Variants in HTRA4 observed in about 807,000 individuals in gnomAD.
HTRA4 encodes HtrA serine peptidase 4.
Under a neutral mutation model 49.1 loss-of-function variants are expected in HTRA4, and 46 were observed. That is an observed-to-expected ratio of 0.94 (90% CI 0.74 to 1.20). The LOEUF (loss-of-function observed/expected upper bound fraction) is 1.20, where lower values mean the gene tolerates loss of function less well. Among genes scored for constraint, HTRA4 ranks in the 50% most tolerant of loss-of-function variants. The probability of loss-of-function intolerance (pLI) is 0.00; values close to 1 mark genes in which losing one functional copy is unlikely to be tolerated. For synonymous variants in HTRA4, 261 were observed against 264.0 expected (o/e 0.99, Z 0.11); for missense variants, 602 against 636.9 (o/e 0.95, Z 0.59).
At position 38,974,590 on chromosome 8, in the gene HTRA4, G is replaced by A; in HGVS notation, c.327G>A (p.Pro109=). ...RPGFPSTCGC[P]TLGGAVCGSD... is the part of the protein sequence containing the mutation. Reference sequence around the variant, plus strand: ...GGTTCCCCAGCACCTGCGGTTGCCCGACGCTGGGAGGGGCCGTGTGCGGCA... The same window carrying A: ...GGTTCCCCAGCACCTGCGGTTGCCCAACGCTGGGAGGGGCCGTGTGCGGCA... Residue 109 remains proline (P), a synonymous_variant, in exon 1 of 9, where the codon CCG becomes CCA. Transcript: ENST00000302495. 7.0e-7 allele frequency: 1 copy of A among 1,424,534 alleles called. No individual in the cohort carries two copies. Among genetic ancestry groups the A allele is most frequent in the Non-Finnish European group, 9.1e-7 (1 of 1,094,966 alleles). The allele number at this position is 1,424,534 out of a possible 1,614,324, so 88.2% of individuals were successfully genotyped here. A position where few individuals can be genotyped will look rare whatever the true frequency, so the allele number is the denominator to read the frequency against.
At position 38,974,445 on chromosome 8, in the gene HTRA4, C is replaced by A; in HGVS notation, c.182C>A (p.Pro61Gln). 1.3e-6 allele frequency: 2 copies of A among 1,542,734 alleles called. No homozygotes were observed. Among genetic ancestry groups the A allele is most frequent in the East Asian group, 2.4e-5 (1 of 41,154 alleles). ...ALPTCALGTT[P>Q]VFDLCRCCRV... The stretch of plus-strand genomic sequence containing the variant: ...CCCACCTGCGCGCTGGGGACCACGC[C>A]GGTGTTCGACCTGTGCCGCTGTTGC... The change falls in exon 1 of 9, where the codon CCG (proline) becomes CAG (glutamine). Residue 61 changes from proline to glutamine, a missense_variant. Pro to Gln is a moderately conservative substitution (Grantham distance 76). Coordinates refer to ENST00000302495, the MANE Select transcript of HTRA4 (RefSeq NM_153692.4).
intron 8 of HTRA4, among the ~76,000 whole-genome samples, chr8:38,986,017 A>T (rs1333659064): frequency 1.3e-5 from 2 of 152,160 alleles, no homozygotes; most frequent in Non-Finnish European, 2.9e-5. Context: ...TAAATAAAAT[A>T]AACAAAATCA....
At position 38,976,529 on chromosome 8, in the gene HTRA4, A is replaced by T; in HGVS notation, c.567-6A>T. ...CTCTGTTTACACTATTGTCTTGTGG[A>T]GACAGGTTACTTCACGGCAGCAGGC... is the stretch of plus-strand genomic sequence containing the variant. On this transcript the variant is annotated splice_region_variant and splice_polypyrimidine_tract_variant and intron_variant, in intron 2 of 8. Coordinates refer to ENST00000302495, the MANE Select transcript of HTRA4 (RefSeq NM_153692.4). The T allele has an allele frequency of 6.2e-7, 1 of 1,613,422 alleles. No homozygotes were observed. Among genetic ancestry groups the T allele is most frequent in the African/African-American group, 1.3e-5 (1 of 75,006 alleles).
rs778303266 is a variant in HTRA4, at chr8:38,976,718, G to A, written c.750G>A (p.Ala250=). The change falls in exon 3 of 9, where the codon GCG becomes GCA. Residue 250 remains alanine, a synonymous_variant. Transcript: ENST00000302495. ...VKDIDLKLDL[A]VIKIESNAEL... ...ATATTGACCTTAAATTGGATCTTGC[G>A]GTGATTAAGATTGAATCAAATGTGA... The A allele has an allele frequency of 1.2e-5, 20 of 1,614,008 alleles. No homozygotes were observed. Among genetic ancestry groups the A allele is most frequent in the East Asian group, 2.2e-5 (1 of 44,888 alleles).
In HTRA4 at chr8:38,983,017, T is replaced by C. The variant is rs1193956276; in HGVS notation, c.1237T>C (p.Cys413Arg). ...FPDVSSGVYV[C>R]KVVEGTAAQS... ...TGATGTGAGTTCTGGGGTTTATGTATGTAAAGTGGTTGAAGGAACAGCTGC... is the reference window on the plus strand; with the variant it reads ...TGATGTGAGTTCTGGGGTTTATGTACGTAAAGTGGTTGAAGGAACAGCTGC... The change falls in exon 8 of 9, where the codon TGT becomes CGT. Residue 413 changes from cysteine to arginine, a missense_variant. By Grantham distance (180) the Cys-to-Arg change is radical. Transcript: ENST00000302495. The C allele has an allele frequency of 1.2e-6, 2 of 1,613,840 alleles. No individual in the cohort carries two copies. Among genetic ancestry groups the C allele is most frequent in the East Asian group, 2.2e-5 (1 of 44,886 alleles).
intron 6 of HTRA4, among the ~76,000 whole-genome samples, 183 bp downstream of exon 6, chr8:38,981,950 C>T (rs914628104): frequency 6.6e-6 from 1 of 152,016 alleles, no homozygotes; most frequent in Non-Finnish European, 1.5e-5. Context: ...TGGGTTCAAG[C>T]GATTCTCCTG....
chr8:38,977,365 G>A (rs960665054), intron 3 of HTRA4, among the ~76,000 whole-genome samples: 5 of 150,216 alleles, frequency 3.3e-5, no homozygotes, highest in African/African-American at 1.2e-4. Flanking sequence ...TGGACTCAAA[G>A]TTGCTAAGGA....
intron 3 of HTRA4, 88 bp from the exon 4 acceptor site, chr8:38,977,865 A>G: frequency 7.5e-7 from 1 of 1,332,198 alleles, no homozygotes; most frequent in Non-Finnish European, 1.1e-6. Context: ...AGCGTCATAT[A>G]TGTGTTAGAC....
Position 38,982,572 on chromosome 8 carries a change from A to C in HTRA4, c.1172+17A>C. 6.2e-7 allele frequency: 1 copy of C among 1,613,676 alleles called. No individual in the cohort carries two copies. Among genetic ancestry groups the C allele is most frequent in the Non-Finnish European group, 8.5e-7 (1 of 1,179,582 alleles). ...CACTGTGCCGTAAGCATGTGTTTGA[A>C]TATGTCTGGGTTGTTTTTCAGAGGC... On this transcript the variant is annotated intron_variant, in intron 7 of 8. Coordinates refer to ENST00000302495, the MANE Select transcript of HTRA4 (RefSeq NM_153692.4).
chr8:38,984,732 A>G (rs1835464574), intron 8 of HTRA4, among the ~76,000 whole-genome samples: 1 of 151,990 alleles, frequency 6.6e-6, no homozygotes, highest in Non-Finnish European at 1.5e-5. Context: ...CTGGGCAAGA[A>G]AGCGAGACCC....
At chr8:38,981,060 TAAG>T (rs1835412219) in intron 5 of HTRA4, among the ~76,000 whole-genome samples, 2 of 142,610 alleles carry the variant, frequency 1.4e-5, no homozygotes, top group Admixed American at 7.3e-5. Context: ...AAAATGAGCT[TAAG>T]TTTTTTTTTT....
At position 38,974,504 on chromosome 8, in the gene HTRA4, G is replaced by C. The variant is rs544187015; in HGVS notation, c.241G>C (p.Gly81Arg). 23 of 1,492,362 alleles carry C rather than the reference G, an allele frequency of 1.5e-5. No individual in the cohort carries two copies. In the African/African-American group the frequency reaches 2.9e-4, roughly 19 times the overall value. The allele number at this position is 1,492,362 out of a possible 1,614,324, so 92.4% of individuals were successfully genotyped here. A position where few individuals can be genotyped will look rare whatever the true frequency, so the allele number is the denominator to read the frequency against. The part of the protein sequence containing the change: ...VCPAAEREVC[G>R]GAQGQPCAPG... ...CCCCGCGGCCGAGCGTGAAGTCTGCGGCGGGGCGCAGGGCCAACCGTGCGC... is the reference window on the plus strand; with the variant it reads ...CCCCGCGGCCGAGCGTGAAGTCTGCCGCGGGGCGCAGGGCCAACCGTGCGC... Residue 81 changes from glycine (G) to arginine (R), a missense_variant, in exon 1 of 9, where the codon GGC (glycine) becomes CGC (arginine). Physicochemically the swap from Gly to Arg is moderately radical, Grantham distance 125 (BLOSUM62 -2). Transcript: ENST00000302495.
At chr8:38,981,114 A>T (rs567226741) in intron 5 of HTRA4, among the ~76,000 whole-genome samples, 1 of 106,332 alleles carries the variant, frequency 9.4e-6, no homozygotes, top group Non-Finnish European at 1.7e-5. Context: ...GAGTCTCGCT[A>T]GGTCGCCCAG....
At position 38,978,025 on chromosome 8, in the gene HTRA4, A is replaced by G; in HGVS notation, c.844A>G (p.Ser282Gly). 6.2e-7 allele frequency: 1 copy of G among 1,614,178 alleles called. No individual in the cohort carries two copies. Among genetic ancestry groups the G allele is most frequent in the Non-Finnish European group, 8.5e-7 (1 of 1,180,020 alleles). Residue 282 changes from serine to glycine, a missense_variant, in exon 4 of 9, where the codon AGC (serine) becomes GGC (glycine). Transcript: ENST00000302495. ...TGGAGAGTTTGTGGTGGCTTTGGGC[A>G]GCCCATTTTCTCTGCAGAACACAGC... ...RAGEFVVALG[S>G]PFSLQNTATA... is the part of the protein sequence containing the mutation.
At chr8:38,987,137 ACATTATCATT>A (rs1234891033) in intron 8 of HTRA4, among the ~76,000 whole-genome samples, 7 of 152,196 alleles carry the variant, frequency 4.6e-5, no homozygotes, top group African/African-American at 1.7e-4. Context: ...TGATCAAACC[ACATTATCATT>A]CTTCCTTGAG....
Position 38,988,269 on chromosome 8 carries a change from A to C in HTRA4, c.*171A>C. 3 of 577,952 alleles carry C rather than the reference A, an allele frequency of 5.2e-6. No individual in the cohort carries two copies. The highest frequency in any genetic ancestry group is 3.0e-6 in the Non-Finnish European group (1 of 335,716). 35.8% of individuals were successfully genotyped at this position (577,952 alleles called of 1,614,324 possible). ...ATCAATGACAGACTGGATAAAGCAAATGTGGTACATATACACCATGGAATA... is the reference window on the plus strand; with the variant it reads ...ATCAATGACAGACTGGATAAAGCAACTGTGGTACATATACACCATGGAATA... On this transcript the variant is annotated 3_prime_UTR_variant, in exon 9 of 9. Coordinates refer to ENST00000302495, the MANE Select transcript of HTRA4 (RefSeq NM_153692.4).
Position 38,981,729 on chromosome 8 carries a change from G to T in HTRA4, c.1076G>T (p.Arg359Met). The T allele has an allele frequency of 1.2e-6, 2 of 1,613,656 alleles. No individual in the cohort carries two copies. The highest frequency in any genetic ancestry group is 1.7e-6 in the Non-Finnish European group (2 of 1,179,898). The change falls in exon 6 of 9, where the codon AGG becomes ATG. Residue 359 changes from arginine (R) to methionine (M), a missense_variant. Coordinates refer to ENST00000302495, the MANE Select transcript of HTRA4 (RefSeq NM_153692.4). ...TTTGCAATTCCTTCAGATCGAGTTA[G>T]GCAGTTCTTGGCAGAATACCATGAG... ...ISFAIPSDRV[R>M]QFLAEYHEHQ...
Position 38,988,271 on chromosome 8 carries a change from GT to G in HTRA4, c.*174del. The stretch of plus-strand genomic sequence containing the variant: ...CAATGACAGACTGGATAAAGCAAAT[GT>G]GGTACATATACACCATGGAATACTA... On this transcript the variant is annotated 3_prime_UTR_variant, in exon 9 of 9. Transcript: ENST00000302495. 1.7e-6 allele frequency: 1 copy of G among 581,956 alleles called. No homozygotes were observed. The highest frequency in any genetic ancestry group is 2.2e-5 in the South Asian group (1 of 45,306). The allele number at this position is 581,956 out of a possible 1,614,324, so 36.0% of individuals were successfully genotyped here.
At position 38,980,842 on chromosome 8, in the gene HTRA4, A is replaced by G. The variant is rs191049989; in HGVS notation, c.1000-811A>G. 2.6e-4 allele frequency among the ~76,000 whole-genome samples: 40 copies of G among 152,230 alleles called. 1 individual carries two copies. The East Asian group carries it at 5.4e-3, about 21-fold the overall frequency. ...TAAAGAGGAAAATATTTTCTACCTC[A>G]TACCTTTAGCTTAGCAGAGCTTTGT... On this transcript the variant is annotated intron_variant, in intron 5 of 8. Transcript: ENST00000302495.
Sources: allele counts gnomAD v4.1 joint callset (sites outside exome capture counted in the v4.1 genomes callset), GRCh38; gene constraint gnomAD v4.1.1; transcripts MANE v1.5; gene names NCBI Gene and HGNC (gene_info 2026-07-23, HGNC 2026-07-21).